MIOS: variants seen among roughly 807,000 people sequenced by gnomAD.
The protein encoded by MIOS is GATOR2 complex protein MIOS.
MIOS carries 52 observed loss-of-function variants against 96.9 expected under a neutral mutation model. The observed-to-expected ratio is 0.54, with a 90% CI of 0.43 to 0.68. The LOEUF is 0.68. MIOS is among the 30% of genes least tolerant of loss of function. MIOS has a pLI of 0.00. For synonymous variants in MIOS, 397 were observed against 359.5 expected (o/e 1.10, Z -1.18); for missense variants, 1,005 against 1,052.8 (o/e 0.95, Z 0.63).
At chr7:7,581,784 T>A (rs952711742) in intron 5 of MIOS, 2 of 152,192 alleles carry the variant, frequency 1.3e-5, no homozygotes, top group Non-Finnish European at 2.9e-5. Context: ...CAGCAGGAGA[T>A]CTGTCTCCTG....
chr7:7,595,188 TA>T, intron 10 of MIOS, 56 bp downstream of exon 10: 2 of 1,550,664 alleles, frequency 1.3e-6, no homozygotes, highest in Non-Finnish European at 1.7e-6. Flanking sequence ...TTCAATTTAA[TA>T]AGTTACTATT....
At chr7:7,606,165 C>G (rs1784525102) in intron 12 of MIOS, 94 bp downstream of exon 12, 2 of 1,472,482 alleles carry the variant, frequency 1.4e-6, no homozygotes, top group Non-Finnish European at 1.8e-6. Context: ...TAGCATTTAG[C>G]CAAAGTATGA....
At chr7:7,584,026 A>C (rs982656834) in intron 6 of MIOS, among the ~76,000 whole-genome samples, 9 of 152,168 alleles carry the variant, frequency 5.9e-5, no homozygotes, top group African/African-American at 2.2e-4. Context: ...TTCGCTTGGA[A>C]ATAACTAAAA....
At chr7:7,581,951 G>C (rs1164735029) in intron 5 of MIOS, 1 of 140,604 alleles carries the variant, frequency 7.1e-6, no homozygotes, top group Non-Finnish European at 1.5e-5. Context: ...CTGTTATCTC[G>C]AGACAAGTTA....
intron 11 of MIOS, among the ~76,000 whole-genome samples, chr7:7,602,733 T>G (rs1290902541): frequency 6.6e-6 from 1 of 152,088 alleles, no homozygotes; most frequent in Non-Finnish European, 1.5e-5. Flanking sequence ...AAAGTTCATA[T>G]GGAACCAAAA....
At chr7:7,583,729 C>T (rs10235484) in intron 6 of MIOS, among the ~76,000 whole-genome samples, 7,455 of 152,010 alleles carry the variant, frequency 0.049, 502 homozygotes, top group African/African-American at 0.15. Flanking sequence ...AGTATTTTTA[C>T]GATCCATATT....
Position 7,592,919 on chromosome 7 carries a change from C to T in MIOS, c.2044-2061C>T, listed in dbSNP as rs958817863. Among the ~76,000 whole-genome samples, 7 of 152,198 alleles carry T rather than the reference C, an allele frequency of 4.6e-5. 1 individual carries two copies. The highest frequency in any genetic ancestry group is 3.8e-4 in the East Asian group (2 of 5,198). On this transcript the variant is annotated intron_variant, in intron 9 of 12. Coordinates refer to ENST00000340080, the MANE Select transcript of MIOS (RefSeq NM_019005.4). Reference sequence around the variant, plus strand: ...TTGGAGCCCCCTGGTTTACATTTCTCGGTTCAGATTCCTTATCTCTTCACT... The same window carrying T: ...TTGGAGCCCCCTGGTTTACATTTCTTGGTTCAGATTCCTTATCTCTTCACT...
chr7:7,600,577 G>C (rs1415212888), intron 11 of MIOS, among the ~76,000 whole-genome samples: 1 of 152,158 alleles, frequency 6.6e-6, no homozygotes, highest in East Asian at 1.9e-4. Context: ...CAAGTCCTTA[G>C]TGACCTACAA....
At position 7,573,121 on chromosome 7, in the gene MIOS, A is replaced by C; in HGVS notation, c.646A>C (p.Thr216Pro). Reference protein sequence around the residue: ...RNLAIFDLRNTSQKMFVNTKA... With the variant: ...RNLAIFDLRNPSQKMFVNTKA... The stretch of plus-strand genomic sequence containing the variant: ...CCTAGCTATATTTGATCTTCGGAAT[A>C]CAAGCCAAAAGATGTTCGTAAATAC... The change falls in exon 4 of 13, where the codon ACA becomes CCA. Residue 216 changes from threonine (T) to proline (P), a missense_variant. By Grantham distance (38) the Thr-to-Pro change is conservative. Transcript: ENST00000340080. This position sits in a 1 kb window ranked among gnomAD's most constrained non-coding sequence, Gnocchi z 5.0. 6.2e-7 allele frequency: 1 copy of C among 1,614,086 alleles called. No homozygotes were observed. Among genetic ancestry groups the C allele is most frequent in the East Asian group, 2.2e-5 (1 of 44,884 alleles).
chr7:7,589,395 A>C lies in MIOS; in HGVS notation c.1885-10A>C, dbSNP rs1456444337. 2 of 1,611,582 alleles carry C rather than the reference A, an allele frequency of 1.2e-6. No homozygotes were observed. Among genetic ancestry groups the C allele is most frequent in the Admixed American group, 3.3e-5 (2 of 59,848 alleles). Reference sequence around the variant, plus strand: ...AGATTGCTTTAGAAAAATCACTTTAAATTTTCCAGTTAAATAGATACATCG... The same window carrying C: ...AGATTGCTTTAGAAAAATCACTTTACATTTTCCAGTTAAATAGATACATCG... On this transcript the variant is annotated splice_polypyrimidine_tract_variant and intron_variant, in intron 8 of 12. Coordinates refer to ENST00000340080, the MANE Select transcript of MIOS (RefSeq NM_019005.4).
chr7:7,574,781 A>C (rs1318181129), intron 5 of MIOS, among the ~76,000 whole-genome samples: 1 of 148,444 alleles, frequency 6.7e-6, no homozygotes, highest in Non-Finnish European at 1.5e-5. Flanking sequence ...GACAAAAACC[A>C]AACTTTTTTT....
At chr7:7,597,477 T>TAA (rs1440372158) in intron 11 of MIOS, among the ~76,000 whole-genome samples, 5,962 of 27,468 alleles carry the variant, frequency 0.22, 673 homozygotes, top group East Asian at 0.32. Flanking sequence ...TTTATATATA[T>TAA]ATATATATAT....
chr7:7,605,279 T>C (rs1196258183), intron 11 of MIOS: 4 of 150,098 alleles, frequency 2.7e-5, no homozygotes, highest in Non-Finnish European at 4.4e-5. Flanking sequence ...CAGATGAGAA[T>C]TACCTGTCCC....
At chr7:7,604,019 A>T (rs967961182) in intron 11 of MIOS, among the ~76,000 whole-genome samples, 5 of 150,856 alleles carry the variant, frequency 3.3e-5, no homozygotes, top group Middle Eastern at 3.4e-3. Flanking sequence ...CAATTTGAGA[A>T]CACATGGACA....
rs569938104 is a variant in MIOS at position 7,604,669 on chromosome 7, A to G, written c.2402-1273A>G. On this transcript the variant is annotated intron_variant, in intron 11 of 12. Coordinates refer to ENST00000340080, the MANE Select transcript of MIOS (RefSeq NM_019005.4). ...AAAGTGTTCTGTGGCACTTGTCTTC[A>G]TAATTCACTATAAATCTTTTAAAAT... 1.9e-4 allele frequency among the ~76,000 whole-genome samples: 29 copies of G among 152,336 alleles called. No homozygotes were observed. The South Asian group carries it at 5.6e-3, about 29-fold the overall frequency.
At position 7,596,308 on chromosome 7, in the gene MIOS, G is replaced by T; in HGVS notation, c.2248G>T (p.Ala750Ser). The T allele has an allele frequency of 1.2e-6, 2 of 1,614,074 alleles. No individual in the cohort carries two copies. Among genetic ancestry groups the T allele is most frequent in the Non-Finnish European group, 1.7e-6 (2 of 1,180,024 alleles). The change falls in exon 11 of 13, where the codon GCT becomes TCT. Residue 750 changes from alanine (A) to serine (S), a missense_variant. Around this residue, in one of 3 missense-constraint regions of MIOS, gnomAD observed 865 missense variants for 887.9 expected, o/e 0.97. Coordinates refer to ENST00000340080, the MANE Select transcript of MIOS (RefSeq NM_019005.4). ...CGKSISYSCS[A>S]VPHQGRGFSQ... ...CAAGTCAATCTCCTACAGCTGTTCA[G>T]CTGTGCCTCATCAGGGCAGAGGTTT...
At chr7:7,604,410 C>T (rs1435717417) in intron 11 of MIOS, among the ~76,000 whole-genome samples, 1 of 152,086 alleles carries the variant, frequency 6.6e-6, no homozygotes, top group Admixed American at 6.6e-5. Context: ...TCTGTTGAAA[C>T]AGTTCTAACA....
At chr7:7,595,202 C>G in intron 10 of MIOS, 70 bp downstream of exon 10, 1 of 1,507,384 alleles carries the variant, frequency 6.6e-7, no homozygotes, top group South Asian at 1.3e-5. Flanking sequence ...TTACTATTAG[C>G]TCATTATTTT....
chr7:7,585,613 A>T (rs1783864451), intron 6 of MIOS, 23 bp from the exon 7 acceptor site: 1 of 1,559,896 alleles, frequency 6.4e-7, no homozygotes, highest in Non-Finnish European at 8.7e-7. Flanking sequence ...CACTTTGATT[A>T]GCTGGCTGTT....
Sources: allele counts gnomAD v4.1 joint callset (sites outside exome capture counted in the v4.1 genomes callset), GRCh38; gene constraint gnomAD v4.1.1; regional missense constraint gnomAD v4.1.1; non-coding constraint Gnocchi (gnomAD v3.1); transcripts MANE v1.5; gene names NCBI Gene and HGNC (gene_info 2026-07-23, HGNC 2026-07-21).